GCDH: variants seen among roughly 807,000 people sequenced by gnomAD.
GCDH encodes the protein glutaryl-CoA dehydrogenase, also known as glutaryl-CoA dehydrogenase, mitochondrial.
A neutral mutation model predicts 52.8 loss-of-function variants in GCDH; 31 were observed. That is an observed-to-expected ratio of 0.59 (90% CI 0.44 to 0.79). The LOEUF (loss-of-function observed/expected upper bound fraction) is 0.79. Ranked by LOEUF, GCDH falls within the 30% of genes least tolerant of loss-of-function variation. GCDH has a pLI of 0.00. For missense variants in GCDH, 509 were observed against 595.0 expected (o/e 0.86, Z 1.50); for synonymous variants, 242 against 250.0 (o/e 0.97, Z 0.30).
At chr19:12,892,216 C>T (rs1568425136) in intron 5 of GCDH, 38 bp downstream of exon 5, 2 of 1,538,416 alleles carry the variant, frequency 1.3e-6, no homozygotes, top group South Asian at 2.2e-5. Flanking sequence ...GCAGAACCCT[C>T]TGTATTCTGA....
Position 12,891,899 on chromosome 19 carries a change from C to T in GCDH, c.196C>T (p.Leu66Phe), listed in dbSNP as rs762640205. 4.3e-6 allele frequency: 7 copies of T among 1,614,054 alleles called. No homozygotes were observed. The East Asian group carries it at 8.9e-5, about 21-fold the overall frequency. Reference protein sequence around the residue: ...LEEQLTTDEILIRDTFRTYCQ... With the variant: ...LEEQLTTDEIFIRDTFRTYCQ... ...GGAGCAGCTGACCACAGATGAGATC[C>T]TCATCAGGGACACCTTCCGCACCTA... The change falls in exon 4 of 12, where the codon CTC becomes TTC. Residue 66 changes from leucine to phenylalanine, a missense_variant. By Grantham distance (22) the Leu-to-Phe change is conservative. Transcript: ENST00000222214.
At chr19:12,892,498 G>C (rs191203420) in intron 5 of GCDH, 2 of 415,012 alleles carry the variant, frequency 4.8e-6, no homozygotes, top group East Asian at 1.1e-4. Flanking sequence ...CACTGTGTTG[G>C]CCAGGCTGGT....
chr19:12,892,294 C>T, intron 5 of GCDH, 116 bp downstream of exon 5: 1 of 968,292 alleles, frequency 1.0e-6, no homozygotes. Context: ...CCTTTTCTTT[C>T]CTTTCTTCTT....
chr19:12,894,524 C>A, intron 6 of GCDH: 2 of 683,178 alleles, frequency 2.9e-6, no homozygotes, highest in Non-Finnish European at 5.4e-6. Context: ...TATGATGCCT[C>A]GTCACCTGGG....
In GCDH at chr19:12,896,092, G is replaced by A. The variant is rs753084171; in HGVS notation, c.606G>A (p.Lys202=). The change falls in exon 7 of 12, where the codon AAG becomes AAA. Residue 202 remains lysine (K), a synonymous_variant. Coordinates refer to ENST00000222214, the MANE Select transcript of GCDH (RefSeq NM_000159.4). The surrounding 1 kb of genome is among the most constrained non-coding windows in gnomAD (Gnocchi z 5.5). The part of the protein sequence containing the change: ...ETRAHYNSSN[K]SYTLNGTKTW... Reference sequence around the variant, plus strand: ...GAGCCCACTACAACTCATCCAACAAGAGCTACACCCTCAATGGGACCAAGA... The same window carrying A: ...GAGCCCACTACAACTCATCCAACAAAAGCTACACCCTCAATGGGACCAAGA... 1.1e-5 allele frequency: 18 copies of A among 1,614,076 alleles called. No individual in the cohort carries two copies. The highest frequency in any genetic ancestry group is 1.5e-5 in the Non-Finnish European group (18 of 1,180,016).
chr19:12,894,863 G>C, intron 6 of GCDH: 1 of 409,460 alleles, frequency 2.4e-6, no homozygotes, highest in South Asian at 4.2e-5. Context: ...TTCTAAGTCT[G>C]AATCCAGTCA....
chr19:12,891,972 A>G lies in GCDH; in HGVS notation c.269A>G (p.Glu90Gly). 1 of 1,614,194 alleles carries G rather than the reference A, an allele frequency of 6.2e-7. No homozygotes were observed. Among genetic ancestry groups the G allele is most frequent in the Non-Finnish European group, 8.5e-7 (1 of 1,180,022 alleles). The stretch of plus-strand genomic sequence containing the variant: ...CGCATCCTGTTGGCCAATCGCAACG[A>G]AGGTGGGCGGGCTGGTGGGTGCCCT... ...MPRILLANRNEVFHREIISEM... is the reference protein window; with the variant it reads ...MPRILLANRNGVFHREIISEM... The change falls in exon 4 of 12, where the codon GAA (glutamate) becomes GGA (glycine). Residue 90 changes from glutamate to glycine, a missense_variant and splice_region_variant. Coordinates refer to ENST00000222214, the MANE Select transcript of GCDH (RefSeq NM_000159.4).
At position 12,891,909 on chromosome 19, in the gene GCDH, A is replaced by G. The variant is rs1159105441; in HGVS notation, c.206A>G (p.Asp69Gly). Reference sequence around the variant, plus strand: ...ACCACAGATGAGATCCTCATCAGGGACACCTTCCGCACCTACTGCCAGGAG... The same window carrying G: ...ACCACAGATGAGATCCTCATCAGGGGCACCTTCCGCACCTACTGCCAGGAG... ...QLTTDEILIR[D>G]TFRTYCQERL... Residue 69 changes from aspartate (D) to glycine (G), a missense_variant, in exon 4 of 12, where the codon GAC becomes GGC. Coordinates refer to ENST00000222214, the MANE Select transcript of GCDH (RefSeq NM_000159.4). 6.2e-7 allele frequency: 1 copy of G among 1,614,098 alleles called. No homozygotes were observed. The highest frequency in any genetic ancestry group is 1.1e-5 in the South Asian group (1 of 91,074).
At position 12,899,573 on chromosome 19, in the gene GCDH, C is replaced by A; in HGVS notation, c.*32C>A. ...CCATCAGGGGCCCGAAACTCTCAAGCCCCTTTCTGGAGAGATGCCTGGCTG... is the reference window on the plus strand; with the variant it reads ...CCATCAGGGGCCCGAAACTCTCAAGACCCTTTCTGGAGAGATGCCTGGCTG... On this transcript the variant is annotated 3_prime_UTR_variant, in exon 12 of 12. Coordinates refer to ENST00000222214, the MANE Select transcript of GCDH (RefSeq NM_000159.4). 1 of 1,613,952 alleles carries A rather than the reference C, an allele frequency of 6.2e-7. No homozygotes were observed. Among genetic ancestry groups the A allele is most frequent in the Non-Finnish European group, 8.5e-7 (1 of 1,179,958 alleles).
rs1408565185 is a variant in GCDH at position 12,893,568 on chromosome 19, G to A, written c.420G>A (p.Ala140=). The A allele has an allele frequency of 3.7e-6, 6 of 1,613,952 alleles. No homozygotes were observed. The highest frequency in any genetic ancestry group is 3.4e-6 in the Non-Finnish European group (4 of 1,179,880). ...GGGTGGACAGTGGCTACAGGTCGGC[G>A]ATGAGTGTCCAGTCCTCCCTCGTCA... ...LERVDSGYRS[A]MSVQSSLVMH... is the part of the protein sequence containing the mutation. The change falls in exon 6 of 12, where the codon GCG becomes GCA. Residue 140 remains alanine (A), a synonymous_variant. Transcript: ENST00000222214.
At position 12,891,217 on chromosome 19, in the gene GCDH, G is replaced by C. The variant is rs1970545410; in HGVS notation, c.-35+15G>C. 2 of 1,031,560 alleles carry C rather than the reference G, an allele frequency of 1.9e-6. No individual in the cohort carries two copies. Among genetic ancestry groups the C allele is most frequent in the East Asian group, 5.0e-5 (2 of 39,924 alleles). The allele number at this position is 1,031,560 out of a possible 1,614,324, so 63.9% of individuals were successfully genotyped here. A position where few individuals can be genotyped will look rare whatever the true frequency, so the allele number is the denominator to read the frequency against. ...GGTACTACCAGGTAAGGAAGGTGCGGTAGCCCCAGCCGTGGGTGAGAGGAG... is the reference window on the plus strand; with the variant it reads ...GGTACTACCAGGTAAGGAAGGTGCGCTAGCCCCAGCCGTGGGTGAGAGGAG... On this transcript the variant is annotated intron_variant, in intron 1 of 11. Transcript: ENST00000222214.
In GCDH at chr19:12,893,674, C is replaced by T. The variant is rs1276800805; in HGVS notation, c.505+21C>T. 2.5e-6 allele frequency: 4 copies of T among 1,606,446 alleles called. No homozygotes were observed. In the South Asian group the frequency reaches 4.4e-5, roughly 18 times the overall value. ...GCTGGGTGAGTGGCTGCCCATGGGGCCTGGTGGAAGGAAGACAGTCTCTGA... is the reference window on the plus strand; with the variant it reads ...GCTGGGTGAGTGGCTGCCCATGGGGTCTGGTGGAAGGAAGACAGTCTCTGA... On this transcript the variant is annotated intron_variant, in intron 6 of 11. Coordinates refer to ENST00000222214, the MANE Select transcript of GCDH (RefSeq NM_000159.4).
intron 6 of GCDH, 95 bp from the exon 7 acceptor site, chr19:12,895,897 G>A: frequency 6.7e-7 from 1 of 1,488,606 alleles, no homozygotes; most frequent in Non-Finnish European, 9.3e-7. Context: ...TGGGATGACA[G>A]GCGTGAGCCA....
intron 9 of GCDH, 105 bp from the exon 10 acceptor site, chr19:12,897,198 C>A: frequency 6.9e-7 from 1 of 1,446,662 alleles, no homozygotes; most frequent in Non-Finnish European, 9.6e-7. Flanking sequence ...AGCTTGGGGG[C>A]ACTGAGGCAG....
chr19:12,891,252 G>C lies in GCDH; in HGVS notation c.-34-19G>C. The C allele has an allele frequency of 1.4e-6, 2 of 1,475,450 alleles. No homozygotes were observed. The highest frequency in any genetic ancestry group is 1.9e-6 in the Non-Finnish European group (2 of 1,072,722). The allele number at this position is 1,475,450 out of a possible 1,614,324, so 91.4% of individuals were successfully genotyped here. A position where few individuals can be genotyped will look rare whatever the true frequency, so the allele number is the denominator to read the frequency against. ...CCGTGGGTGAGAGGAGCTCCGCTCTGACACCCCCGCTCCTGTAGGTCGCCG... is the reference window on the plus strand; with the variant it reads ...CCGTGGGTGAGAGGAGCTCCGCTCTCACACCCCCGCTCCTGTAGGTCGCCG... On this transcript the variant is annotated intron_variant, in intron 1 of 11. Coordinates refer to ENST00000222214, the MANE Select transcript of GCDH (RefSeq NM_000159.4).
intron 6 of GCDH, chr19:12,894,490 G>A: frequency 4.2e-6 from 3 of 720,894 alleles, no homozygotes; most frequent in East Asian, 2.6e-5. Flanking sequence ...AAGGAGAGAA[G>A]GGTATTCCTG....
intron 6 of GCDH, chr19:12,894,406 A>G (rs1184265041): frequency 9.3e-6 from 7 of 752,172 alleles, no homozygotes; most frequent in Non-Finnish European, 1.5e-5. Flanking sequence ...AACTGGAGAA[A>G]GAAAGAGAAG....
Position 12,899,994 on chromosome 19 carries a change from T to C in GCDH, c.*453T>C. ...ACCCCAAGGTGTCAGGCCGGTTTACTGGTAACCACCTGAGAAGTAGTTTCA... is the reference window on the plus strand; with the variant it reads ...ACCCCAAGGTGTCAGGCCGGTTTACCGGTAACCACCTGAGAAGTAGTTTCA... On this transcript the variant is annotated 3_prime_UTR_variant, in exon 12 of 12. Transcript: ENST00000222214. 1.1e-5 allele frequency: 17 copies of C among 1,612,998 alleles called. No individual in the cohort carries two copies. The highest frequency in any genetic ancestry group is 1.4e-5 in the Non-Finnish European group (17 of 1,179,934).
In GCDH at chr19:12,899,917, G is replaced by C. The variant is rs1341463636; in HGVS notation, c.*376G>C. On this transcript the variant is annotated 3_prime_UTR_variant, in exon 12 of 12. Coordinates refer to ENST00000222214, the MANE Select transcript of GCDH (RefSeq NM_000159.4). ...CTCCCATCTGGGGGTAGTGCCTTAT[G>C]CTGGGTGTTGGAGCAGAGTGAGGGA... 1.9e-6 allele frequency: 3 copies of C among 1,549,230 alleles called. No individual in the cohort carries two copies. Among genetic ancestry groups the C allele is most frequent in the African/African-American group, 2.7e-5 (2 of 73,220 alleles).
Sources: gnomAD v4.1 joint callset for allele counts on GRCh38, gnomAD v4.1.1 for gene constraint, Gnocchi (gnomAD v3.1) non-coding constraint, MANE v1.5 for transcripts, NCBI Gene and HGNC (gene_info 2026-07-23, HGNC 2026-07-21) for gene names.